The following IGLL5 variants were observed in gnomAD, a reference collection of about 807,000 sequenced individuals.
IGLL5 encodes the protein immunoglobulin lambda-like polypeptide 5.
Under a neutral mutation model 20.9 loss-of-function variants are expected in IGLL5, and 30 were observed. The ratio of observed to expected loss-of-function variants is 1.44; its 90% CI spans 1.07 to 1.95. The LOEUF (loss-of-function observed/expected upper bound fraction) is 1.95. Among genes scored for constraint, IGLL5 ranks in the 30% most tolerant of loss-of-function variants. The pLI, the probability that IGLL5 is intolerant of heterozygous loss-of-function variation, is 0.00. For synonymous variants in IGLL5, 203 were observed against 117.3 expected (o/e 1.73, Z -4.72); for missense variants, 475 against 270.7 (o/e 1.75, Z -5.30).
chr22:22,894,621 C>G (rs529394394), intron 2 of IGLL5, among the ~76,000 whole-genome samples: 1 of 151,008 alleles, frequency 6.6e-6, no homozygotes, highest in African/African-American at 2.4e-5. Context: ...ATGAGGGGTG[C>G]AGAGAACTCC....
rs1174179765 is a variant in IGLL5, at chr22:22,893,696, G to A, written c.207-4G>A. On this transcript the variant is annotated splice_region_variant and splice_polypyrimidine_tract_variant and intron_variant, in intron 1 of 2. Transcript: ENST00000526893. ...TGCAACCCTGTGCCCGTCATGCCCAGCAGGCTCCTGCTCCAGCCCAGCCCC... is the reference window on the plus strand; with the variant it reads ...TGCAACCCTGTGCCCGTCATGCCCAACAGGCTCCTGCTCCAGCCCAGCCCC... 9.4e-6 allele frequency: 15 copies of A among 1,596,098 alleles called. No individual in the cohort carries two copies. Among genetic ancestry groups the A allele is most frequent in the Non-Finnish European group, 1.2e-5 (14 of 1,169,000 alleles).
chr22:22,888,336 C>T (rs1601599856), intron 1 of IGLL5, 77 bp downstream of exon 1: 2 of 1,388,724 alleles, frequency 1.4e-6, no homozygotes, highest in East Asian at 2.5e-5. Flanking sequence ...GGAGACAAGC[C>T]AGAGGAGTGA....
chr22:22,888,823 G>T (rs1265526459), intron 1 of IGLL5, among the ~76,000 whole-genome samples: 1 of 151,376 alleles, frequency 6.6e-6, no homozygotes, highest in African/African-American at 2.4e-5. Flanking sequence ...CCAGTCATTG[G>T]AACAGGCCCA....
intron 2 of IGLL5, among the ~76,000 whole-genome samples, chr22:22,894,752 G>A: frequency 6.6e-6 from 1 of 151,342 alleles, no homozygotes; most frequent in Admixed American, 6.6e-5. Context: ...TCTGTGGTCG[G>A]GCTTGTGGAG....
At position 22,888,179 on chromosome 22, in the gene IGLL5, G is replaced by A. The variant is rs536568891; in HGVS notation, c.126G>A (p.Met42Ile). 9 of 1,548,986 alleles carry A rather than the reference G, an allele frequency of 5.8e-6. No individual in the cohort carries two copies. The highest frequency in any genetic ancestry group is 1.7e-4 in the Middle Eastern group (1 of 5,768). The change falls in exon 1 of 3, where the codon ATG (methionine) becomes ATA (isoleucine). Residue 42 changes from methionine (M) to isoleucine (I), a missense_variant. Met to Ile is a conservative substitution (Grantham distance 10). Transcript: ENST00000526893. ...TCGCCCATGGCCTGCTGCGCCCAAT[G>A]GTTGCACCGCAAAGCGGGGACCCAG... Reference protein sequence around the residue: ...AMVAHGLLRPMVAPQSGDPDP... With the variant: ...AMVAHGLLRPIVAPQSGDPDP...
intron 1 of IGLL5, among the ~76,000 whole-genome samples, 194 bp downstream of exon 1, chr22:22,888,453 A>C (rs1168053430): frequency 2.0e-5 from 3 of 151,298 alleles, no homozygotes; most frequent in South Asian, 2.1e-4. Flanking sequence ...TTAATATCAT[A>C]TTACGATATT....
At position 22,894,410 on chromosome 22, in the gene IGLL5, G is replaced by A. The variant is rs1601626139; in HGVS notation, c.325+592G>A. ...GGTCATGAGGACATGGGGACACAGA[G>A]GGACGGGTGAGACTGGGTGAGGTGC... is the stretch of plus-strand genomic sequence containing the variant. On this transcript the variant is annotated intron_variant, in intron 2 of 2. Transcript: ENST00000526893. 2.6e-5 allele frequency among the ~76,000 whole-genome samples: 4 copies of A among 151,480 alleles called. 1 individual carries two copies. The highest frequency in any genetic ancestry group is 3.7e-3 in the Middle Eastern group (1 of 268).
intron 2 of IGLL5, 143 bp downstream of exon 2, chr22:22,893,961 G>A (rs191010474): frequency 2.7e-5 from 19 of 698,776 alleles, no homozygotes; most frequent in African/African-American, 5.3e-5. Context: ...CCTGGAGGAG[G>A]TGCATTAGTC....
chr22:22,894,101 C>T lies in IGLL5; in HGVS notation c.325+283C>T, dbSNP rs551275973. Among the ~76,000 whole-genome samples, 3 of 151,486 alleles carry T rather than the reference C, an allele frequency of 2.0e-5. 1 individual carries two copies. The highest frequency in any genetic ancestry group is 4.8e-5 in the African/African-American group (2 of 41,356). On this transcript the variant is annotated intron_variant, in intron 2 of 2. Transcript: ENST00000526893. ...CCAGGGCAGATGTCTGAGTGAGGGACAGAGGCTGGTTCTGATGAGGGGCCC... is the reference window on the plus strand; with the variant it reads ...CCAGGGCAGATGTCTGAGTGAGGGATAGAGGCTGGTTCTGATGAGGGGCCC...
intron 2 of IGLL5, among the ~76,000 whole-genome samples, chr22:22,894,852 G>A (rs573199358): frequency 7.3e-5 from 11 of 151,462 alleles, no homozygotes; most frequent in Admixed American, 1.3e-4. Flanking sequence ...GGCTGGGCTG[G>A]GGCAGAGCCC....
rs1601624959 is a variant in IGLL5 at position 22,894,247 on chromosome 22, G to A, written c.325+429G>A. Among the ~76,000 whole-genome samples, 5 of 150,024 alleles carry A rather than the reference G, an allele frequency of 3.3e-5. 1 individual carries two copies. The highest frequency in any genetic ancestry group is 2.1e-4 in the South Asian group (1 of 4,654). On this transcript the variant is annotated intron_variant, in intron 2 of 2. Transcript: ENST00000526893. ...GGAGCAGCCCCAAGAACAGCTGAGGGTCTAGGCTGAGGACTGGATGCCAAT... is the reference window on the plus strand; with the variant it reads ...GGAGCAGCCCCAAGAACAGCTGAGGATCTAGGCTGAGGACTGGATGCCAAT...
chr22:22,892,073 T>G (rs2067865579), intron 1 of IGLL5, among the ~76,000 whole-genome samples: 1 of 151,268 alleles, frequency 6.6e-6, no homozygotes, highest in Admixed American at 6.6e-5. Flanking sequence ...CTAGACAACC[T>G]TGCCTTGTTT....
rs757879121 is a variant in IGLL5 at position 22,888,277 on chromosome 22, C to T, written c.206+18C>T. On this transcript the variant is annotated intron_variant, in intron 1 of 2. Transcript: ENST00000526893. ...TGGGGCAGGTAAGGGGCAAGAGATT[C>T]CAGGGGATGTGGGGGTCCTGCAGCA... The T allele has an allele frequency of 8.4e-6, 13 of 1,545,028 alleles. No individual in the cohort carries two copies. Among genetic ancestry groups the T allele is most frequent in the Admixed American group, 2.0e-5 (1 of 50,678 alleles).
chr22:22,890,289 C>CTGTG (rs148024405), intron 1 of IGLL5, among the ~76,000 whole-genome samples: 1 of 146,724 alleles, frequency 6.8e-6, no homozygotes, highest in Admixed American at 6.9e-5. Flanking sequence ...AGAACTTTTC[C>CTGTG]TGTGTGTGTG....
rs557978927 is a variant in IGLL5 at position 22,894,749 on chromosome 22, T to A, written c.326-626T>A. 1.3e-5 allele frequency among the ~76,000 whole-genome samples: 2 copies of A among 151,186 alleles called. 1 individual carries two copies. Among genetic ancestry groups the A allele is most frequent in the Admixed American group, 1.3e-4 (2 of 15,104 alleles). ...ACAGCTGAGGTGAAGGGTTCTGTGG[T>A]CGGGCTTGTGGAGACAGGAAACATC... On this transcript the variant is annotated intron_variant, in intron 2 of 2. Transcript: ENST00000526893.
intron 1 of IGLL5, among the ~76,000 whole-genome samples, chr22:22,891,476 G>T (rs957817250): frequency 6.6e-6 from 1 of 151,004 alleles, no homozygotes; most frequent in Admixed American, 6.6e-5. Flanking sequence ...GAAAGAACCC[G>T]TCATTGTTAC....
chr22:22,894,613 G>C (rs2066674009), intron 2 of IGLL5, among the ~76,000 whole-genome samples: 1 of 151,326 alleles, frequency 6.6e-6, no homozygotes, highest in Admixed American at 6.6e-5. Flanking sequence ...GGGAGTGAAT[G>C]AGGGGTGCAG....
chr22:22,888,647 C>A (rs1234415159), intron 1 of IGLL5, among the ~76,000 whole-genome samples: 1 of 151,272 alleles, frequency 6.6e-6, no homozygotes, highest in South Asian at 2.1e-4. Context: ...CTCCTCTCTG[C>A]CCATGTGCCT....
intron 2 of IGLL5, 84 bp from the exon 3 acceptor site, chr22:22,895,291 C>A: frequency 7.6e-7 from 1 of 1,317,602 alleles, no homozygotes; most frequent in South Asian, 1.3e-5. Context: ...GTGAACCCTC[C>A]CAGAGACTTT....
Sources: gnomAD v4.1 joint callset for allele counts (sites outside exome capture counted in the v4.1 genomes callset) on GRCh38, gnomAD v4.1.1 for gene constraint, MANE v1.5 for transcripts, NCBI Gene and HGNC (gene_info 2026-07-23, HGNC 2026-07-21) for gene names.